The following PAX5 variants were observed in gnomAD, a reference collection of about 807,000 sequenced individuals.
PAX5 encodes the protein paired box protein Pax-5.
A neutral mutation model predicts 43.7 loss-of-function variants in PAX5; 9 were observed. The ratio of observed to expected loss-of-function variants is 0.21; its 90% CI spans 0.12 to 0.36. The LOEUF is 0.36. Ranked by LOEUF, PAX5 falls within the 10% of genes least tolerant of loss-of-function variation. The pLI is 1.00. For missense variants in PAX5, 383 were observed against 532.7 expected (o/e 0.72, Z 2.77); for synonymous variants, 228 against 214.3 (o/e 1.06, Z -0.56).
chr9:37,005,539 C>T (rs904697178), intron 4 of PAX5, among the ~76,000 whole-genome samples: 1 of 152,210 alleles, frequency 6.6e-6, no homozygotes, highest in African/African-American at 2.4e-5. Context: ...AGAACTTTTA[C>T]ATTTTACTGG....
intron 7 of PAX5, among the ~76,000 whole-genome samples, chr9:36,883,159 GC>G (rs1016989231): frequency 1.3e-5 from 2 of 152,122 alleles, no homozygotes; most frequent in Non-Finnish European, 2.9e-5. Context: ...CTGACAGTCT[GC>G]CCCCCTGCCC....
intron 9 of PAX5, among the ~76,000 whole-genome samples, chr9:36,843,813 G>GCTCA: frequency 6.6e-6 from 1 of 152,214 alleles, no homozygotes; most frequent in Non-Finnish European, 1.5e-5. Context: ...TTGGGAGTGG[G>GCTCA]TGGCAAAGGC....
rs541380057 is a variant in PAX5, at chr9:36,976,578, T to A, written c.605-9854A>T. 1.1e-4 allele frequency among the ~76,000 whole-genome samples: 16 copies of A among 152,266 alleles called. No homozygotes were observed. In the South Asian group the frequency reaches 3.3e-3, roughly 32 times the overall value. ...CTGGAACAAAAACAAATGTTCTGAG[T>A]CATTTTCTAAATCCTGTCCTAAACT... On this transcript the variant is annotated intron_variant, in intron 5 of 9. Transcript: ENST00000358127.
chr9:36,844,953 C>T (rs899098363), intron 9 of PAX5, among the ~76,000 whole-genome samples: 1 of 152,222 alleles, frequency 6.6e-6, no homozygotes, highest in Non-Finnish European at 1.5e-5. Context: ...AAATGACAGC[C>T]ACTATCAACC....
intron 6 of PAX5, among the ~76,000 whole-genome samples, chr9:36,945,553 C>T (rs1487171014): frequency 1.3e-5 from 2 of 152,236 alleles, no homozygotes; most frequent in African/African-American, 4.8e-5. Flanking sequence ...TCCAAGATGA[C>T]ATCTATGCCA....
intron 6 of PAX5, among the ~76,000 whole-genome samples, chr9:36,955,781 A>AT (rs1833406280): frequency 2.3e-5 from 2 of 86,582 alleles, no homozygotes; most frequent in Admixed American, 1.3e-4. Context: ...AAAAAAAAAA[A>AT]AATATATATA....
At chr9:36,906,659 C>T (rs772781261) in intron 7 of PAX5, among the ~76,000 whole-genome samples, 19 of 152,300 alleles carry the variant, frequency 1.2e-4, no homozygotes, top group East Asian at 7.7e-4. Flanking sequence ...GACAGGCAGC[C>T]GTCAGGCCTG....
intron 8 of PAX5, among the ~76,000 whole-genome samples, chr9:36,849,867 C>T (rs1272568528): frequency 6.6e-6 from 1 of 152,196 alleles, no homozygotes; most frequent in Non-Finnish European, 1.5e-5. Flanking sequence ...GACCTAGAGG[C>T]TGGTTCAGCC....
intron 8 of PAX5, among the ~76,000 whole-genome samples, chr9:36,872,770 C>A (rs1001598878): frequency 6.6e-6 from 1 of 152,220 alleles, no homozygotes; most frequent in Non-Finnish European, 1.5e-5. Flanking sequence ...CTCGTCCCCC[C>A]ACCCTATGAG....
In PAX5 at chr9:36,858,687, C is replaced by T. The variant is rs187890263; in HGVS notation, c.1013-11758G>A. On this transcript the variant is annotated intron_variant, in intron 8 of 9. Coordinates refer to ENST00000358127, the MANE Select transcript of PAX5 (RefSeq NM_016734.3). ...CTCCCAGCCTCCAAAAATGGCCCAG[C>T]CCCCTCCAGCTTGGAGACCCTCAAA... is the stretch of plus-strand genomic sequence containing the variant. Among the ~76,000 whole-genome samples the T allele has an allele frequency of 2.2e-3, 333 of 152,292 alleles. 1 individual carries two copies. Among genetic ancestry groups the T allele is most frequent in the African/African-American group, 7.4e-3 (307 of 41,554 alleles).
chr9:36,874,774 C>T (rs1010267258), intron 8 of PAX5, among the ~76,000 whole-genome samples: 30 of 152,178 alleles, frequency 2.0e-4, no homozygotes, highest in Middle Eastern at 3.2e-3. Flanking sequence ...GAGGTATGAG[C>T]TCTGCTGGAG....
At chr9:36,878,076 C>G (rs539882585) in intron 8 of PAX5, among the ~76,000 whole-genome samples, 17 of 152,240 alleles carry the variant, frequency 1.1e-4, no homozygotes, top group South Asian at 2.1e-4. Flanking sequence ...GATCTTTCCC[C>G]AGGGCCTCCA....
intron 9 of PAX5, among the ~76,000 whole-genome samples, chr9:36,844,415 C>T (rs570939509): frequency 2.0e-5 from 3 of 152,268 alleles, no homozygotes; most frequent in Admixed American, 6.5e-5. Context: ...TGTCCTCTTC[C>T]GTATAATAGA....
chr9:37,014,105 G>A (rs887075139), intron 3 of PAX5, among the ~76,000 whole-genome samples: 2 of 152,180 alleles, frequency 1.3e-5, no homozygotes, highest in African/African-American at 4.8e-5. Context: ...CATCATTTCT[G>A]TTCATCTCTG....
intron 6 of PAX5, among the ~76,000 whole-genome samples, chr9:36,939,847 G>T (rs1296828398): frequency 1.3e-5 from 2 of 152,250 alleles, no homozygotes; most frequent in African/African-American, 4.8e-5. Flanking sequence ...TCGCGTGCGG[G>T]TGCACGCTGG....
At chr9:36,957,742 T>C (rs147849100) in intron 6 of PAX5, among the ~76,000 whole-genome samples, 68 of 152,312 alleles carry the variant, frequency 4.5e-4, no homozygotes, top group Non-Finnish European at 8.8e-4. Context: ...CAAAAGCGCA[T>C]CCAGCCTACC....
At chr9:36,907,615 G>A (rs1828930837) in intron 7 of PAX5, among the ~76,000 whole-genome samples, 1 of 152,200 alleles carries the variant, frequency 6.6e-6, no homozygotes, top group Non-Finnish European at 1.5e-5. Context: ...GTCCATGCTG[G>A]TTCGTCCAGT....
At chr9:36,933,174 A>T (rs1453786612) in intron 6 of PAX5, among the ~76,000 whole-genome samples, 1 of 151,848 alleles carries the variant, frequency 6.6e-6, no homozygotes, top group Non-Finnish European at 1.5e-5. Context: ...AAAAAGAAAG[A>T]AAGTCTCCAT....
At chr9:37,024,536 AG>A (rs768477607) in intron 1 of PAX5, among the ~76,000 whole-genome samples, 40 of 152,322 alleles carry the variant, frequency 2.6e-4, no homozygotes, top group Non-Finnish European at 4.7e-4. Flanking sequence ...GCCCCAGAGC[AG>A]GCCTACATTG....
Sources: allele counts gnomAD v4.1 joint callset (sites outside exome capture counted in the v4.1 genomes callset), GRCh38; gene constraint gnomAD v4.1.1; transcripts MANE v1.5; gene names NCBI Gene and HGNC (gene_info 2026-07-23, HGNC 2026-07-21).